The following SMOC1 variants were observed in gnomAD, a reference collection of about 807,000 sequenced individuals.
The protein encoded by SMOC1 is SPARC-related modular calcium-binding protein 1.
SMOC1 carries 22 observed loss-of-function variants against 56.3 expected under a neutral mutation model. That is an observed-to-expected ratio of 0.39 (90% CI 0.28 to 0.56). The LOEUF is 0.56. SMOC1 is among the 20% of genes least tolerant of loss of function. The pLI, the probability that SMOC1 is intolerant of heterozygous loss-of-function variation, is 0.61. For missense variants in SMOC1, 509 were observed against 565.4 expected, an observed-to-expected ratio of 0.90 and a Z score of 1.01; for synonymous variants, 193 against 215.0, an observed-to-expected ratio of 0.90 and a Z score of 0.89.
intron 3 of SMOC1, among the ~76,000 whole-genome samples, chr14:69,975,430 C>T (rs574078127): frequency 6.9e-4 from 105 of 152,198 alleles, no homozygotes; most frequent in African/African-American, 2.5e-3. Flanking sequence ...TTGGTGAGAA[C>T]CATCTCAGGA....
intron 1 of SMOC1, among the ~76,000 whole-genome samples, chr14:69,927,450 G>A (rs141640500): frequency 2.8e-4 from 43 of 152,330 alleles, no homozygotes; most frequent in African/African-American, 1.0e-3. Flanking sequence ...AGGGGCCAAG[G>A]CGGGCAGATT....
intron 1 of SMOC1, among the ~76,000 whole-genome samples, chr14:69,944,669 T>A (rs571595882): frequency 3.9e-5 from 6 of 152,336 alleles, no homozygotes; most frequent in Non-Finnish European, 8.8e-5. Flanking sequence ...ACATTGGCCG[T>A]TAAATTGTCA....
At chr14:69,984,965 C>T (rs138898710) in intron 5 of SMOC1, among the ~76,000 whole-genome samples, 1 of 151,972 alleles carries the variant, frequency 6.6e-6, no homozygotes, top group East Asian at 1.9e-4. Flanking sequence ...TTACTTGAAC[C>T]CAGGAGGTGG....
At chr14:69,953,629 G>T in intron 3 of SMOC1, 97 bp downstream of exon 3, 1 of 998,684 alleles carries the variant, frequency 1.0e-6, no homozygotes, top group South Asian at 1.3e-5. Context: ...TTCACTTTCT[G>T]GGAAACAGTT....
Position 70,013,386 on chromosome 14 carries a change from G to T in SMOC1, c.941G>T (p.Gly314Val). 1 of 1,613,420 alleles carries T rather than the reference G, an allele frequency of 6.2e-7. No individual in the cohort carries two copies. The highest frequency in any genetic ancestry group is 1.6e-4 in the Middle Eastern group (1 of 6,062). ...CTTCAAATCTCATTTTATCTTTTAG[G>T]CTGTCCAGAAGGGAAGAAAATGGAG... ...DDPFKDRELP[G>V]CPEGKKMEFI... The change falls in exon 10 of 12, where the codon GGC becomes GTC. Residue 314 changes from glycine to valine, a missense_variant and splice_region_variant. This residue lies in a region of SMOC1 where 176 missense variants were observed against 188.1 expected (regional missense o/e 0.94). Coordinates refer to ENST00000361956, the MANE Select transcript of SMOC1 (RefSeq NM_001034852.3).
At chr14:69,888,671 C>G (rs1468236078) in intron 1 of SMOC1, among the ~76,000 whole-genome samples, 1 of 108,034 alleles carries the variant, frequency 9.3e-6, no homozygotes, top group African/African-American at 2.6e-5. Context: ...GGGCTGAAAG[C>G]CTTTTTTTTT....
intron 5 of SMOC1, among the ~76,000 whole-genome samples, chr14:69,986,890 C>G (rs147180192): frequency 5.5e-4 from 83 of 152,286 alleles, no homozygotes; most frequent in African/African-American, 1.9e-3. Flanking sequence ...CTGACATGCC[C>G]GACCACTTCT....
chr14:70,010,054 T>C (rs1030065040), intron 7 of SMOC1, among the ~76,000 whole-genome samples: 1 of 152,210 alleles, frequency 6.6e-6, no homozygotes, highest in African/African-American at 2.4e-5. Flanking sequence ...GAAACCAGGT[T>C]GGGCTGTTCA....
chr14:69,976,108 C>A (rs755716726), intron 4 of SMOC1, among the ~76,000 whole-genome samples: 1 of 152,170 alleles, frequency 6.6e-6, no homozygotes, highest in African/African-American at 2.4e-5. Flanking sequence ...GAGTTACTAG[C>A]TTTTGTGCTG....
At chr14:69,982,841 C>T (rs1434790214) in intron 5 of SMOC1, among the ~76,000 whole-genome samples, 1 of 152,236 alleles carries the variant, frequency 6.6e-6, no homozygotes, top group Non-Finnish European at 1.5e-5. Flanking sequence ...CTGTTGGCTT[C>T]TGCTCACATG....
In SMOC1 at chr14:69,944,050, T is replaced by G. The variant is rs146399335; in HGVS notation, c.100-8088T>G. Among the ~76,000 whole-genome samples the G allele has an allele frequency of 7.3e-3, 1,105 of 152,314 alleles. 18 individuals carry two copies. The highest frequency in any genetic ancestry group is 0.025 in the African/African-American group (1,022 of 41,558). On this transcript the variant is annotated intron_variant, in intron 1 of 11. Transcript: ENST00000361956. ...ACCTTGCCCAGCCTCGGTTTTCTCC[T>G]CATTCATTCAAGCCATACATATTGA...
At chr14:69,980,537 A>G (rs1430079723) in intron 5 of SMOC1, among the ~76,000 whole-genome samples, 1 of 152,180 alleles carries the variant, frequency 6.6e-6, no homozygotes, top group East Asian at 1.9e-4. Context: ...GGCCACCTGT[A>G]GGACGCCACA....
At chr14:70,018,169 G>T (rs1260438983) in intron 10 of SMOC1, among the ~76,000 whole-genome samples, 1 of 152,116 alleles carries the variant, frequency 6.6e-6, no homozygotes, top group Non-Finnish European at 1.5e-5. Context: ...TTTTTGCAGA[G>T]TCATCCTGAT....
chr14:69,982,157 TAAG>T (rs1474731777), intron 5 of SMOC1, among the ~76,000 whole-genome samples: 1 of 152,180 alleles, frequency 6.6e-6, no homozygotes, highest in African/African-American at 2.4e-5. Flanking sequence ...ATTTTTCCCA[TAAG>T]AAGTCTGGGA....
At chr14:69,897,649 AAC>A (rs1446518452) in intron 1 of SMOC1, among the ~76,000 whole-genome samples, 1 of 152,122 alleles carries the variant, frequency 6.6e-6, no homozygotes, top group East Asian at 1.9e-4. Flanking sequence ...TCTTTCAAGT[AAC>A]ACTGTACTAC....
chr14:69,977,921 C>T lies in SMOC1; in HGVS notation c.482C>T (p.Ser161Leu), dbSNP rs1344296865. The T allele has an allele frequency of 3.1e-6, 5 of 1,613,790 alleles. No homozygotes were observed. The East Asian group carries it at 1.1e-4, about 36-fold the overall frequency. ...TTTGTTTCCCTTCTCACCCAAGGTT[C>T]AGTCACCGACAAGCCCTTGAGCCAG... ...VQNKTPVCSG[S>L]VTDKPLSQGN... is the part of the protein sequence containing the mutation. The change falls in exon 5 of 12, where the codon TCA becomes TTA. Residue 161 changes from serine to leucine, a missense_variant. Transcript: ENST00000361956.
intron 1 of SMOC1, chr14:69,886,197 T>C (rs1883805956): frequency 1.2e-6 from 1 of 815,398 alleles, no homozygotes; most frequent in Non-Finnish European, 2.0e-6. Context: ...GGTCCACTTG[T>C]ATTCTAACTT....
chr14:69,964,043 T>G lies in SMOC1; in HGVS notation c.378+10511T>G, dbSNP rs73289090. Among the ~76,000 whole-genome samples the G allele has an allele frequency of 4.8e-3, 726 of 152,360 alleles. 2 individuals are homozygous for G. The highest frequency in any genetic ancestry group is 0.017 in the African/African-American group (692 of 41,586). On this transcript the variant is annotated intron_variant, in intron 3 of 11. Coordinates refer to ENST00000361956, the MANE Select transcript of SMOC1 (RefSeq NM_001034852.3). The stretch of plus-strand genomic sequence containing the variant: ...CTCGCCTATCCCACTCTCTGCTCTG[T>G]CCTGCTCTTCAATGGCTGTTTTCTA...
intron 1 of SMOC1, among the ~76,000 whole-genome samples, chr14:69,937,696 A>G (rs61980650): frequency 0.048 from 7,321 of 152,228 alleles, 227 homozygotes; most frequent in Non-Finnish European, 0.074. Context: ...ACACGGGCCA[A>G]GCTATTTCTT....
Sources: allele counts gnomAD v4.1 joint callset (sites outside exome capture counted in the v4.1 genomes callset), GRCh38; gene constraint gnomAD v4.1.1; regional missense constraint gnomAD v4.1.1; transcripts MANE v1.5; gene names NCBI Gene and HGNC (gene_info 2026-07-23, HGNC 2026-07-21).